The following HTR3B variants were observed in gnomAD, a reference collection of about 807,000 sequenced individuals.
HTR3B encodes 5-hydroxytryptamine (serotonin) receptor 3B, ionotropic.
Under a neutral mutation model 42.8 loss-of-function variants are expected in HTR3B, and 44 were observed. That is an observed-to-expected ratio of 1.03 (90% CI 0.81 to 1.32). The LOEUF is 1.32. HTR3B is among the 40% of genes most tolerant of loss of function. The pLI is 0.00. For missense variants in HTR3B, 527 were observed against 536.5 expected (o/e 0.98, Z 0.17); for synonymous variants, 203 against 209.0 (o/e 0.97, Z 0.25).
intron 1 of HTR3B, among the ~76,000 whole-genome samples, chr11:113,906,067 C>T (rs1949730840): frequency 6.6e-6 from 1 of 152,098 alleles, no homozygotes; most frequent in Non-Finnish European, 1.5e-5. Context: ...AGACTAAGTT[C>T]TTAACAATAT....
intron 5 of HTR3B, 87 bp downstream of exon 5, chr11:113,932,545 T>G: frequency 8.8e-7 from 1 of 1,131,514 alleles, no homozygotes; most frequent in Non-Finnish European, 1.3e-6. Flanking sequence ...ATTTTATTCT[T>G]GCAGATAATT....
At chr11:113,910,076 T>C (rs902315364) in intron 2 of HTR3B, among the ~76,000 whole-genome samples, 6 of 151,890 alleles carry the variant, frequency 4.0e-5, no homozygotes, top group Non-Finnish European at 5.9e-5. Context: ...GTAATAGGTA[T>C]TTTATCCTAT....
Position 113,947,148 on chromosome 11 carries a change from G to C in HTR3B, c.*1011G>C, listed in dbSNP as rs1283818015. Among the ~76,000 whole-genome samples, 2 of 151,406 alleles carry C rather than the reference G, an allele frequency of 1.3e-5. No homozygotes were observed. The highest frequency in any genetic ancestry group is 2.9e-5 in the Non-Finnish European group (2 of 67,938). ...GAGGCAGAGTCTTGCTCTGTCACCA[G>C]ATTGGAGTGCAGTGGTGCAATCTTG... On this transcript the variant is annotated 3_prime_UTR_variant, in exon 9 of 9. Transcript: ENST00000260191.
chr11:113,905,870 GA>G (rs1949729835), intron 1 of HTR3B, among the ~76,000 whole-genome samples: 1 of 152,060 alleles, frequency 6.6e-6, no homozygotes, highest in Non-Finnish European at 1.5e-5. Flanking sequence ...ATTGGGTAGA[GA>G]AGAAAAATAG....
chr11:113,899,387 A>C, the HTR3B span, among the ~76,000 whole-genome samples: 59 of 152,268 alleles, frequency 3.9e-4, no homozygotes, highest in Non-Finnish European at 6.9e-4. Flanking sequence ...CTACTCATTA[A>C]ATGTTTGAGT....
At chr11:113,933,376 C>T (rs1379045889) in intron 6 of HTR3B, among the ~76,000 whole-genome samples, 1 of 152,094 alleles carries the variant, frequency 6.6e-6, no homozygotes, top group Non-Finnish European at 1.5e-5. Context: ...CCAATCTTTC[C>T]ACACACACTT....
In HTR3B at chr11:113,947,709, G is replaced by T. The variant is rs1031588763; in HGVS notation, c.*1572G>T. ...TTTAACCTTAATCACTTTTTTCAAG[G>T]CCCTATGTTCAAACAGTCATATTCT... On this transcript the variant is annotated 3_prime_UTR_variant, in exon 9 of 9. Coordinates refer to ENST00000260191, the MANE Select transcript of HTR3B (RefSeq NM_006028.5). Among the ~76,000 whole-genome samples the T allele has an allele frequency of 6.6e-6, 1 of 152,082 alleles. No individual in the cohort carries two copies. The highest frequency in any genetic ancestry group is 1.9e-4 in the East Asian group (1 of 5,182).
At chr11:113,912,057 C>A (rs1197043131) in intron 2 of HTR3B, among the ~76,000 whole-genome samples, 1 of 152,088 alleles carries the variant, frequency 6.6e-6, no homozygotes, top group Non-Finnish European at 1.5e-5. Context: ...ACTTATGTTG[C>A]GGTGTGTATC....
At chr11:113,930,627 C>A (rs1950025275) in intron 2 of HTR3B, among the ~76,000 whole-genome samples, 1 of 151,658 alleles carries the variant, frequency 6.6e-6, no homozygotes, top group Non-Finnish European at 1.5e-5. Context: ...TAGCTGGGAC[C>A]ACTAGGTGTG....
intron 2 of HTR3B, among the ~76,000 whole-genome samples, chr11:113,913,945 G>A (rs927199400): frequency 6.6e-6 from 1 of 152,158 alleles, no homozygotes; most frequent in African/African-American, 2.4e-5. Flanking sequence ...CTCTTGCTGT[G>A]AGATGCCCTC....
At chr11:113,919,054 T>C (rs1423142810) in intron 2 of HTR3B, among the ~76,000 whole-genome samples, 1 of 152,208 alleles carries the variant, frequency 6.6e-6, no homozygotes, top group Non-Finnish European at 1.5e-5. Flanking sequence ...CTATTCCTCA[T>C]ATCCTACTTT....
rs953214490 is a variant in HTR3B, at chr11:113,948,763, T to A, written c.*2626T>A. Among the ~76,000 whole-genome samples the A allele has an allele frequency of 6.6e-5, 10 of 151,598 alleles. No individual in the cohort carries two copies. Among genetic ancestry groups the A allele is most frequent in the African/African-American group, 2.4e-4 (10 of 41,174 alleles). On this transcript the variant is annotated 3_prime_UTR_variant, in exon 9 of 9. Coordinates refer to ENST00000260191, the MANE Select transcript of HTR3B (RefSeq NM_006028.5). Reference sequence around the variant, plus strand: ...CTGTAATCCCACCTACTCGGGGGGCTGAGGCAGGAGAATCGCTTGAACCCA... The same window carrying A: ...CTGTAATCCCACCTACTCGGGGGGCAGAGGCAGGAGAATCGCTTGAACCCA...
At chr11:113,919,219 C>T (rs1387933133) in intron 2 of HTR3B, among the ~76,000 whole-genome samples, 1 of 152,036 alleles carries the variant, frequency 6.6e-6, no homozygotes, top group African/African-American at 2.4e-5. Flanking sequence ...TTACAGTGTA[C>T]TTAGAATTAA....
chr11:113,901,317 CATAT>C (rs1331522756), upstream of HTR3B, among the ~76,000 whole-genome samples: 3 of 151,998 alleles, frequency 2.0e-5, no homozygotes, highest in East Asian at 3.9e-4. Context: ...GTGGCACACA[CATAT>C]ACTCCCAGCT....
In HTR3B at chr11:113,947,199, G is replaced by A. The variant is rs1430476761; in HGVS notation, c.*1062G>A. On this transcript the variant is annotated 3_prime_UTR_variant, in exon 9 of 9. Transcript: ENST00000260191. The stretch of plus-strand genomic sequence containing the variant: ...GCTCACTGTAACCTCCACCTCCCGG[G>A]TTCAAGCAATTCCCCTGCCTCAGCC... Among the ~76,000 whole-genome samples the A allele has an allele frequency of 6.6e-6, 1 of 151,894 alleles. No individual in the cohort carries two copies. The highest frequency in any genetic ancestry group is 1.5e-5 in the Non-Finnish European group (1 of 67,968).
chr11:113,938,910 G>A (rs752163116), intron 6 of HTR3B, among the ~76,000 whole-genome samples: 14 of 152,078 alleles, frequency 9.2e-5, no homozygotes, highest in Admixed American at 5.2e-4. Context: ...CAGGAGAATC[G>A]CTTGAACCTG....
At chr11:113,903,146 C>T (rs115570670), upstream of HTR3B, among the ~76,000 whole-genome samples, 362 of 152,234 alleles carry the variant, frequency 2.4e-3, 2 homozygotes, top group African/African-American at 7.6e-3. Flanking sequence ...ACTGGGATTA[C>T]AGGTATGAGC....
Position 113,931,665 on chromosome 11 carries a change from A to G in HTR3B, c.259-93A>G, listed in dbSNP as rs143510163. The G allele has an allele frequency of 1.9e-4, 156 of 811,182 alleles. No homozygotes were observed. The African/African-American group carries it at 2.4e-3, about 12-fold the overall frequency. 50.2% of individuals were successfully genotyped at this position (811,182 alleles called of 1,614,324 possible). A position where few individuals can be genotyped will look rare whatever the true frequency, so the allele number is the denominator to read the frequency against. ...AACAGGTAGAACCAAGAGGCTGATA[A>G]ATTGGATTATTAATCCAAATGCCTC... On this transcript the variant is annotated intron_variant, in intron 3 of 8. Transcript: ENST00000260191.
chr11:113,900,064 C>T (rs183196644), upstream of HTR3B, among the ~76,000 whole-genome samples: 5 of 152,146 alleles, frequency 3.3e-5, no homozygotes, highest in East Asian at 3.9e-4. Context: ...GTCAGGAGTT[C>T]GAGACTAGCC....
Sources: gnomAD v4.1 joint callset for allele counts (sites outside exome capture counted in the v4.1 genomes callset) on GRCh38, gnomAD v4.1.1 for gene constraint, MANE v1.5 for transcripts, NCBI Gene and HGNC (gene_info 2026-07-23, HGNC 2026-07-21) for gene names.